Variants in PITPNM3 observed in about 807,000 individuals in gnomAD.
The protein encoded by PITPNM3 is membrane-associated phosphatidylinositol transfer protein 3.
Under a neutral mutation model 102.0 loss-of-function variants are expected in PITPNM3, and 26 were observed. The observed-to-expected ratio is 0.25, with a 90% CI of 0.19 to 0.35. The LOEUF (loss-of-function observed/expected upper bound fraction) is 0.35, where lower values mean the gene tolerates loss of function less well. PITPNM3 is among the 10% of genes least tolerant of loss of function. PITPNM3 has a pLI of 1.00. For missense variants in PITPNM3, 1,083 were observed against 1,346.1 expected (o/e 0.80, Z 3.06); for synonymous variants, 578 against 558.6 (o/e 1.03, Z -0.49).
intron 1 of PITPNM3, among the ~76,000 whole-genome samples, chr17:6,552,926 C>G (rs1055941604): frequency 1.1e-4 from 17 of 152,106 alleles, no homozygotes; most frequent in African/African-American, 4.1e-4. Flanking sequence ...ACCATCACGC[C>G]TGGCTAATTT....
chr17:6,455,928 A>C (rs1292984989), intron 19 of PITPNM3, among the ~76,000 whole-genome samples: 2 of 151,746 alleles, frequency 1.3e-5, no homozygotes, highest in African/African-American at 4.8e-5. Context: ...TTACTGTTCC[A>C]GGGTCCCCAT....
chr17:6,542,163 G>A (rs1276838930), intron 1 of PITPNM3, among the ~76,000 whole-genome samples: 2 of 152,234 alleles, frequency 1.3e-5, no homozygotes, highest in East Asian at 3.8e-4. Flanking sequence ...TCCTCATGGG[G>A]GCCCTAGCCC....
chr17:6,489,292 C>T (rs1330329263), intron 4 of PITPNM3, among the ~76,000 whole-genome samples: 1 of 152,104 alleles, frequency 6.6e-6, no homozygotes, highest in Non-Finnish European at 1.5e-5. Context: ...TAAAGCCAAA[C>T]ACTCAGTCTC....
intron 1 of PITPNM3, among the ~76,000 whole-genome samples, chr17:6,548,250 C>T (rs1910131733): frequency 1.3e-5 from 2 of 152,134 alleles, no homozygotes; most frequent in South Asian, 4.1e-4. Context: ...TTGCCTCTGC[C>T]CCCAGGCCCC....
intron 1 of PITPNM3, among the ~76,000 whole-genome samples, chr17:6,541,979 A>C (rs1909752432): frequency 6.6e-6 from 1 of 152,250 alleles, no homozygotes; most frequent in African/African-American, 2.4e-5. Context: ...TCCCCACCTT[A>C]CAGCTAAGAA....
chr17:6,547,798 C>T (rs967588796), intron 1 of PITPNM3, among the ~76,000 whole-genome samples: 2 of 151,840 alleles, frequency 1.3e-5, no homozygotes, highest in East Asian at 1.9e-4. Flanking sequence ...TGCAATGCCA[C>T]GATCTCGGCT....
chr17:6,486,704 A>T (rs954780948), intron 4 of PITPNM3, among the ~76,000 whole-genome samples: 4 of 152,274 alleles, frequency 2.6e-5, no homozygotes, highest in Non-Finnish European at 2.9e-5. Context: ...CTAACTTACT[A>T]AAGACCTTGC....
rs532457507 is a variant in PITPNM3, at chr17:6,474,730, G to A, written c.1086-126C>T. 1.4e-5 allele frequency: 17 copies of A among 1,186,056 alleles called. No individual in the cohort carries two copies. The South Asian group carries it at 2.4e-4, about 17-fold the overall frequency. The allele number at this position is 1,186,056 out of a possible 1,614,324, so 73.5% of individuals were successfully genotyped here. On this transcript the variant is annotated intron_variant, in intron 9 of 19. Transcript: ENST00000262483. The stretch of plus-strand genomic sequence containing the variant: ...CCCAACCCTCCATCTCTGGGGCGGG[G>A]CTGAGAGTCCACCGGCTGCACACCA...
intron 1 of PITPNM3, among the ~76,000 whole-genome samples, chr17:6,550,131 G>A (rs1024198648): frequency 6.6e-6 from 1 of 152,220 alleles, no homozygotes; most frequent in Non-Finnish European, 1.5e-5. Context: ...GGCCCAAAGA[G>A]GGCAGTTCAA....
Position 6,471,378 on chromosome 17 carries a change from A to G in PITPNM3, c.1430-23T>C, listed in dbSNP as rs1905067593. On this transcript the variant is annotated intron_variant, in intron 11 of 19. Coordinates refer to ENST00000262483, the MANE Select transcript of PITPNM3 (RefSeq NM_031220.4). ...CAGCTGGAGGGGGAATTTCAAGGTCAGGCTGAGTCACGTGTCTCCAGCAGA... is the reference window on the plus strand; with the variant it reads ...CAGCTGGAGGGGGAATTTCAAGGTCGGGCTGAGTCACGTGTCTCCAGCAGA... 3 of 1,549,176 alleles carry G rather than the reference A, an allele frequency of 1.9e-6. No homozygotes were observed. In the South Asian group the frequency reaches 3.5e-5, roughly 18 times the overall value.
At chr17:6,466,479 A>G (rs1408868290) in intron 14 of PITPNM3, among the ~76,000 whole-genome samples, 1 of 152,210 alleles carries the variant, frequency 6.6e-6, no homozygotes, top group Non-Finnish European at 1.5e-5. Flanking sequence ...GTTCATGAAT[A>G]TAAGCACCTG....
At chr17:6,495,464 G>T (rs1280437835) in intron 4 of PITPNM3, among the ~76,000 whole-genome samples, 1 of 152,152 alleles carries the variant, frequency 6.6e-6, no homozygotes, top group Non-Finnish European at 1.5e-5. Context: ...CCTGGGTGGA[G>T]GAGAGAGTCT....
chr17:6,542,335 C>A (rs779756223), intron 1 of PITPNM3, among the ~76,000 whole-genome samples: 24 of 152,312 alleles, frequency 1.6e-4, no homozygotes, highest in African/African-American at 5.8e-4. Flanking sequence ...GTCTGCTTGG[C>A]TGTTGTGTGT....
intron 4 of PITPNM3, among the ~76,000 whole-genome samples, chr17:6,500,906 C>T (rs1314352188): frequency 6.6e-6 from 1 of 152,146 alleles, no homozygotes; most frequent in African/African-American, 2.4e-5. Context: ...GATCTCCTGA[C>T]CTCAGGTGAT....
chr17:6,455,385 C>T lies in PITPNM3; in HGVS notation c.2878G>A (p.Ala960Thr). 6.3e-7 allele frequency: 1 copy of T among 1,592,260 alleles called. No individual in the cohort carries two copies. The highest frequency in any genetic ancestry group is 8.5e-7 in the Non-Finnish European group (1 of 1,171,126). The change falls in exon 20 of 20, where the codon GCG becomes ACG. Residue 960 changes from alanine (A) to threonine (T), a missense_variant. Ala to Thr is a moderately conservative substitution (Grantham distance 58). Transcript: ENST00000262483. Reference sequence around the variant, plus strand: ...GGGGGCCCACGCGCCCAGCTGAGCGCCGGCAGCGGCCGCTCGTGGTCTTTG... The same window carrying T: ...GGGGGCCCACGCGCCCAGCTGAGCGTCGGCAGCGGCCGCTCGTGGTCTTTG... ...SDKDHERPLP[A>T]LSWARGPPKF...
intron 3 of PITPNM3, among the ~76,000 whole-genome samples, chr17:6,524,664 T>C (rs1450760978): frequency 1.3e-5 from 2 of 152,190 alleles, no homozygotes; most frequent in Non-Finnish European, 2.9e-5. Context: ...TTAAGCCTGA[T>C]CCACATATCT....
intron 4 of PITPNM3, among the ~76,000 whole-genome samples, chr17:6,487,545 G>A (rs981904628): frequency 1.3e-5 from 2 of 152,170 alleles, no homozygotes; most frequent in African/African-American, 2.4e-5. Flanking sequence ...TGGGCTGGGC[G>A]CCTGTTTGCA....
chr17:6,539,803 C>T (rs1397995637), intron 1 of PITPNM3, among the ~76,000 whole-genome samples: 2 of 152,228 alleles, frequency 1.3e-5, no homozygotes, highest in Non-Finnish European at 2.9e-5. Context: ...ACATCCCTTG[C>T]TATCCCAGTC....
At chr17:6,549,679 CT>C (rs1172461134) in intron 1 of PITPNM3, among the ~76,000 whole-genome samples, 1 of 152,210 alleles carries the variant, frequency 6.6e-6, no homozygotes, top group East Asian at 1.9e-4. Context: ...CATTTTCTTT[CT>C]CTTTAGAAAA....
Sources: gnomAD v4.1 joint callset for allele counts (sites outside exome capture counted in the v4.1 genomes callset) on GRCh38, gnomAD v4.1.1 for gene constraint, MANE v1.5 for transcripts, NCBI Gene and HGNC (gene_info 2026-07-23, HGNC 2026-07-21) for gene names.